The following AOPEP variants were observed in gnomAD, a reference collection of about 807,000 sequenced individuals.
AOPEP encodes aminopeptidase O.
In AOPEP, 77 loss-of-function variants were observed where a neutral mutation model predicts 98.1. The observed-to-expected ratio is 0.78, with a 90% confidence interval of 0.65 to 0.95. The LOEUF is 0.95. Ranked by LOEUF, AOPEP falls within the 40% of genes least tolerant of loss-of-function variation. AOPEP has a pLI of 0.00. For synonymous variants in AOPEP, 346 were observed against 365.3 expected (o/e 0.95, Z 0.60); for missense variants, 1,024 against 1,024.7 (o/e 1.00, Z 0.01).
intron 5 of AOPEP, among the ~76,000 whole-genome samples, chr9:94,857,934 T>A (rs2044433959): frequency 6.6e-6 from 1 of 152,150 alleles, no homozygotes; most frequent in East Asian, 1.9e-4. Flanking sequence ...TTTATTTTTT[T>A]AAGACACAGG....
At chr9:94,805,698 A>G (rs887351939) in intron 5 of AOPEP, among the ~76,000 whole-genome samples, 1 of 152,200 alleles carries the variant, frequency 6.6e-6, no homozygotes, top group African/African-American at 2.4e-5. Flanking sequence ...GTTCCTGACT[A>G]TTGCATGCAC....
intron 2 of AOPEP, among the ~76,000 whole-genome samples, chr9:94,763,802 T>A (rs147015716): frequency 6.6e-6 from 1 of 152,058 alleles, no homozygotes; most frequent in African/African-American, 2.4e-5. Context: ...ACAAAACATA[T>A]CAAGTAGTTT....
At chr9:94,912,213 A>C (rs1248239794) in intron 5 of AOPEP, among the ~76,000 whole-genome samples, 1 of 152,176 alleles carries the variant, frequency 6.6e-6, no homozygotes, top group Admixed American at 6.5e-5. Flanking sequence ...TCTGTCCCCA[A>C]AGACCGAGTT....
At chr9:94,978,242 T>C (rs2059971442) in intron 10 of AOPEP, among the ~76,000 whole-genome samples, 3 of 152,186 alleles carry the variant, frequency 2.0e-5, no homozygotes, top group Admixed American at 2.0e-4. Context: ...TATAGTTACA[T>C]ACTTTTACAT....
chr9:94,881,993 A>G (rs919931967), intron 5 of AOPEP, among the ~76,000 whole-genome samples: 8 of 152,160 alleles, frequency 5.3e-5, no homozygotes, highest in Non-Finnish European at 1.0e-4. Flanking sequence ...AAGGTCAGGG[A>G]GTCCTGGATT....
intron 5 of AOPEP, chr9:94,824,824 TG>T (rs1439586436): frequency 6.6e-6 from 1 of 151,968 alleles, no homozygotes; most frequent in East Asian, 1.9e-4. Flanking sequence ...CTTTACTTTT[TG>T]TAATACCACT....
intron 5 of AOPEP, among the ~76,000 whole-genome samples, chr9:94,913,486 G>A (rs1259621922): frequency 6.6e-6 from 1 of 152,154 alleles, no homozygotes; most frequent in East Asian, 1.9e-4. Context: ...TATCCATGGA[G>A]TCATAATTTG....
chr9:94,855,760 G>A (rs2044127257), intron 5 of AOPEP, among the ~76,000 whole-genome samples: 2 of 152,154 alleles, frequency 1.3e-5, no homozygotes, highest in African/African-American at 4.8e-5. Context: ...CTGGTGGTTC[G>A]CATGTGGGTC....
rs182442839 is a variant in AOPEP at position 95,035,549 on chromosome 9, G to A, written c.2116-25145G>A. On this transcript the variant is annotated intron_variant, in intron 13 of 16. Transcript: ENST00000375315. Reference sequence around the variant, plus strand: ...TTTTTTTTTTTTGAGACGGAGTTTCGCTCTTGTTGCCCAGGCTGGAGTGCA... The same window carrying A: ...TTTTTTTTTTTTGAGACGGAGTTTCACTCTTGTTGCCCAGGCTGGAGTGCA... 5.3e-4 allele frequency among the ~76,000 whole-genome samples: 56 copies of A among 105,490 alleles called. 1 individual carries two copies. The highest frequency in any genetic ancestry group is 0.011 in the Middle Eastern group (1 of 92). 69.2% of individuals were successfully genotyped at this position (105,490 alleles called of 152,430 possible). A position where few individuals can be genotyped will look rare whatever the true frequency, so the allele number is the denominator to read the frequency against.
At chr9:95,117,439 G>A in the AOPEP span, 3 of 1,519,408 alleles carry the variant, frequency 2.0e-6, no homozygotes, top group Middle Eastern at 1.7e-4. Flanking sequence ...AGATTGAAAC[G>A]GGGTCAGGAA....
intron 5 of AOPEP, among the ~76,000 whole-genome samples, chr9:94,812,511 T>C (rs917459080): frequency 2.0e-5 from 3 of 152,128 alleles, no homozygotes; most frequent in African/African-American, 7.2e-5. Context: ...TCTTATTACT[T>C]ACCTTTGGCA....
rs1833594679 is a variant in AOPEP, at chr9:94,743,193, A to AAGAAGAGGAAGAAGAG, written c.-136+16442_-136+16443insAGAAGAGGAAGAAGAG. 2.7e-4 allele frequency among the ~76,000 whole-genome samples: 33 copies of AAGAAGAGGAAGAAGAG among 122,002 alleles called. 1 individual carries two copies. The highest frequency in any genetic ancestry group is 7.7e-4 in the African/African-American group (24 of 31,278). The allele number at this position is 122,002 out of a possible 152,430, so 80.0% of individuals were successfully genotyped here. On this transcript the variant is annotated intron_variant, in intron 1 of 16. Coordinates refer to ENST00000375315, the MANE Select transcript of AOPEP (RefSeq NM_001193329.3). ...AAGAAGAAGAAGAAGAAGAAGAAGAAGAAGAAGAGGAAGAAGAGGAAGAAG... is the reference window on the plus strand; with the variant it reads ...AAGAAGAAGAAGAAGAAGAAGAAGAAAGAAGAGGAAGAAGAGGAAGAAGAGGAAGAAGAGGAAGAAG...
At chr9:95,111,723 G>A in the AOPEP span, 28 of 1,522,186 alleles carry the variant, frequency 1.8e-5, no homozygotes, top group African/African-American at 2.7e-5. Context: ...GTTTGCCAAC[G>A]GTTGGCTTAA....
intron 13 of AOPEP, among the ~76,000 whole-genome samples, chr9:95,040,630 C>T (rs530824292): frequency 6.6e-6 from 1 of 152,356 alleles, no homozygotes; most frequent in African/African-American, 2.4e-5. Flanking sequence ...TCCTCTATGT[C>T]TTTCTGACCA....
chr9:95,110,366 TA>T, the AOPEP span: 1 of 1,022,058 alleles, frequency 9.8e-7, no homozygotes, highest in Non-Finnish European at 1.2e-6. Flanking sequence ...AAAAGGGCTT[TA>T]AAAACCATAT....
At chr9:95,043,832 T>G (rs1473411945) in intron 13 of AOPEP, among the ~76,000 whole-genome samples, 1 of 152,178 alleles carries the variant, frequency 6.6e-6, no homozygotes. Context: ...GCCTGGCTAA[T>G]TTTTGTATGT....
Position 94,831,847 on chromosome 9 carries a change from C to T in AOPEP, c.1364+30845C>T, listed in dbSNP as rs141294458. On this transcript the variant is annotated intron_variant, in intron 5 of 16. Coordinates refer to ENST00000375315, the MANE Select transcript of AOPEP (RefSeq NM_001193329.3). ...TGAAGGATTTCCTCAAGGAGAACTACAAACCACTGCTCAAGGAAATCAGAG... is the reference window on the plus strand; with the variant it reads ...TGAAGGATTTCCTCAAGGAGAACTATAAACCACTGCTCAAGGAAATCAGAG... Among the ~76,000 whole-genome samples, 490 of 152,022 alleles carry T rather than the reference C, an allele frequency of 3.2e-3. 2 individuals carry two copies. The highest frequency in any genetic ancestry group is 0.011 in the African/African-American group (441 of 41,490).
intron 5 of AOPEP, among the ~76,000 whole-genome samples, chr9:94,884,969 A>G (rs2048033656): frequency 6.9e-6 from 1 of 145,286 alleles, no homozygotes; most frequent in African/African-American, 2.6e-5. Flanking sequence ...AGATCGCACC[A>G]CTGCACTCCA....
chr9:94,776,403 G>A (rs1261170805), intron 3 of AOPEP, among the ~76,000 whole-genome samples: 3 of 152,180 alleles, frequency 2.0e-5, no homozygotes, highest in Admixed American at 6.5e-5. Flanking sequence ...CCGGGTTCAA[G>A]CATTTCTCCT....
Sources: gnomAD v4.1 joint callset for allele counts (sites outside exome capture counted in the v4.1 genomes callset) on GRCh38, gnomAD v4.1.1 for gene constraint, MANE v1.5 for transcripts, NCBI Gene and HGNC (gene_info 2026-07-23, HGNC 2026-07-21) for gene names.